CDH19: variants seen among roughly 807,000 people sequenced by gnomAD.
CDH19 encodes the protein cadherin 19.
CDH19 carries 67 observed loss-of-function variants against 64.2 expected under a neutral mutation model. That is an observed-to-expected ratio of 1.04 (90% confidence interval 0.86 to 1.28). The LOEUF (loss-of-function observed/expected upper bound fraction) is 1.28. Among genes scored for constraint, CDH19 ranks in the 50% most tolerant of loss-of-function variants. The pLI is 0.00. For synonymous variants in CDH19, 346 were observed against 319.3 expected, an observed-to-expected ratio of 1.08 and a Z score of -0.89; for missense variants, 1,030 against 929.0, an observed-to-expected ratio of 1.11 and a Z score of -1.41.
intron 3 of CDH19, among the ~76,000 whole-genome samples, chr18:66,566,370 A>G (rs148528442): frequency 2.0e-5 from 3 of 149,396 alleles, no homozygotes; most frequent in African/African-American, 7.4e-5. Flanking sequence ...ATCATTCCCC[A>G]TAGTATATAA....
chr18:66,541,132 G>A (rs1986870838), intron 7 of CDH19, among the ~76,000 whole-genome samples: 2 of 152,072 alleles, frequency 1.3e-5, no homozygotes, highest in Non-Finnish European at 2.9e-5. Flanking sequence ...TAAAGCAAGA[G>A]TATTTCGTTA....
At chr18:66,598,418 G>T (rs1471396425) in intron 1 of CDH19, among the ~76,000 whole-genome samples, 1 of 151,896 alleles carries the variant, frequency 6.6e-6, no homozygotes, top group African/African-American at 2.4e-5. Context: ...TTTCACAATA[G>T]GAAAGACATG....
chr18:66,528,371 C>T (rs1335348180), intron 9 of CDH19, among the ~76,000 whole-genome samples: 2 of 152,064 alleles, frequency 1.3e-5, no homozygotes, highest in Admixed American at 6.6e-5. Context: ...CTATACTGTA[C>T]GCCCATACAT....
chr18:66,537,048 C>T (rs1986701181), intron 7 of CDH19, among the ~76,000 whole-genome samples: 1 of 151,914 alleles, frequency 6.6e-6, no homozygotes, highest in African/African-American at 2.4e-5. Context: ...AGCATTTCTA[C>T]ATGCTCTTCA....
intron 1 of CDH19, among the ~76,000 whole-genome samples, chr18:66,598,785 G>A (rs1988968799): frequency 6.6e-6 from 1 of 151,968 alleles, no homozygotes; most frequent in African/African-American, 2.4e-5. Flanking sequence ...GCAGCAACAT[G>A]CAATTTACAC....
intron 5 of CDH19, among the ~76,000 whole-genome samples, chr18:66,548,901 C>G (rs73539783): frequency 0.018 from 2,668 of 152,104 alleles, 68 homozygotes; most frequent in African/African-American, 0.059. Flanking sequence ...AAACATGTTT[C>G]GATGTGATAG....
chr18:66,576,273 T>C (rs1988263599), intron 1 of CDH19, among the ~76,000 whole-genome samples: 2 of 151,332 alleles, frequency 1.3e-5, no homozygotes, highest in South Asian at 4.1e-4. Flanking sequence ...TTAAAAAGAC[T>C]CAACTATATG....
At chr18:66,583,043 G>A (rs552564706) in intron 1 of CDH19, among the ~76,000 whole-genome samples, 5 of 151,978 alleles carry the variant, frequency 3.3e-5, no homozygotes, top group African/African-American at 7.2e-5. Flanking sequence ...GCCCTTATTT[G>A]TCAAGGGTAA....
chr18:66,602,399 A>T (rs1456508336), intron 1 of CDH19, among the ~76,000 whole-genome samples: 5 of 151,990 alleles, frequency 3.3e-5, no homozygotes, highest in Non-Finnish European at 7.4e-5. Context: ...AATAATGCAT[A>T]GGAGGCATCT....
intron 1 of CDH19, among the ~76,000 whole-genome samples, chr18:66,573,671 T>C (rs1988176812): frequency 6.6e-6 from 1 of 151,600 alleles, no homozygotes; most frequent in Non-Finnish European, 1.5e-5. Context: ...AACACTGATA[T>C]GAAGTTAGCT....
chr18:66,505,326 T>C, intron 11 of CDH19, 24 bp from the exon 12 acceptor site: 1 of 1,509,018 alleles, frequency 6.6e-7, no homozygotes, highest in Non-Finnish European at 8.9e-7. Flanking sequence ...CACATCAGAA[T>C]ATCAATAAAC....
At position 66,524,566 on chromosome 18, in the gene CDH19, ATAT is replaced by A. The variant is rs1568178006; in HGVS notation, c.1458+5276_1458+5278del. On this transcript the variant is annotated intron_variant, in intron 9 of 11. Coordinates refer to ENST00000262150, the MANE Select transcript of CDH19 (RefSeq NM_021153.4). The stretch of plus-strand genomic sequence containing the variant: ...TGTATATATATATATATATATATAT[ATAT>A]AAACATCATCATGCACCATAAATAT... Among the ~76,000 whole-genome samples, 95 of 143,486 alleles carry A rather than the reference ATAT, an allele frequency of 6.6e-4. 3 individuals are homozygous for A. Among genetic ancestry groups the A allele is most frequent in the Middle Eastern group, 7.4e-3 (2 of 270 alleles). 94.1% of individuals were successfully genotyped at this position (143,486 alleles called of 152,430 possible). A position where few individuals can be genotyped will look rare whatever the true frequency, so the allele number is the denominator to read the frequency against.
intron 9 of CDH19, among the ~76,000 whole-genome samples, chr18:66,523,576 C>G (rs1271443287): frequency 7.0e-6 from 1 of 142,726 alleles, no homozygotes; most frequent in Non-Finnish European, 1.5e-5. Context: ...CACCTCACTG[C>G]GTTGCCAGGT....
chr18:66,575,225 C>CGGGGGAGTGCA lies in CDH19; in HGVS notation c.-112-2920_-112-2910dup, dbSNP rs560481277. ...AGTCATTTTTTATGGACTCTGGGGTCGGGGGAGTGCAAGGGGAGTGTTAAG... is the reference window on the plus strand; with the variant it reads ...AGTCATTTTTTATGGACTCTGGGGTCGGGGGAGTGCAGGGGGAGTGCAAGGGGAGTGTTAAG... On this transcript the variant is annotated intron_variant, in intron 1 of 11. Transcript: ENST00000262150. 1.8e-4 allele frequency among the ~76,000 whole-genome samples: 28 copies of CGGGGGAGTGCA among 151,604 alleles called. No homozygotes were observed. In the South Asian group the frequency reaches 5.8e-3, roughly 32 times the overall value.
At chr18:66,598,111 C>T (rs564305634) in intron 1 of CDH19, among the ~76,000 whole-genome samples, 4 of 152,078 alleles carry the variant, frequency 2.6e-5, no homozygotes, top group Admixed American at 6.6e-5. Context: ...TACCATCTCA[C>T]GCCAGTCAGA....
chr18:66,530,019 G>C, intron 8 of CDH19, 53 bp from the exon 9 acceptor site: 1 of 920,176 alleles, frequency 1.1e-6, no homozygotes, highest in Non-Finnish European at 1.5e-6. Flanking sequence ...TATGTCTTTA[G>C]AAGAGACATC....
intron 5 of CDH19, among the ~76,000 whole-genome samples, chr18:66,545,180 G>A (rs1393140858): frequency 2.0e-5 from 3 of 151,674 alleles, no homozygotes. Context: ...GGGTTTCACC[G>A]TTTTAGCTAG....
At chr18:66,542,197 C>A (rs1986913877) in intron 7 of CDH19, among the ~76,000 whole-genome samples, 1 of 152,106 alleles carries the variant, frequency 6.6e-6, no homozygotes, top group East Asian at 1.9e-4. Context: ...TATACAATCA[C>A]TAAAATGTCT....
Position 66,501,790 on chromosome 18 carries a change from A to C in CDH19, c.*3022T>G, listed in dbSNP as rs2144313476. On this transcript the variant is annotated 3_prime_UTR_variant, in exon 12 of 12. Transcript: ENST00000262150. ...TAGGTTGATTGGACGTCATTTTACAAAGTGAGATCTGGAAAGATTAAGCAG... is the reference window on the plus strand; with the variant it reads ...TAGGTTGATTGGACGTCATTTTACACAGTGAGATCTGGAAAGATTAAGCAG... 1 of 152,262 alleles carries C rather than the reference A, an allele frequency of 6.6e-6. No individual in the cohort carries two copies. Among genetic ancestry groups the C allele is most frequent in the Middle Eastern group, 3.4e-3 (1 of 294 alleles). The allele number at this position is 152,262 out of a possible 1,614,324, so 9.4% of individuals were successfully genotyped here.
Sources: gnomAD v4.1 joint callset for allele counts (sites outside exome capture counted in the v4.1 genomes callset) on GRCh38, gnomAD v4.1.1 for gene constraint, MANE v1.5 for transcripts, NCBI Gene and HGNC (gene_info 2026-07-23, HGNC 2026-07-21) for gene names.